PSMD11: variants seen among roughly 807,000 people sequenced by gnomAD.
The protein encoded by PSMD11 is 26S proteasome non-ATPase regulatory subunit 11.
PSMD11 carries 5 observed loss-of-function variants against 62.3 expected under a neutral mutation model. The ratio of observed to expected loss-of-function variants is 0.08; its 90% CI spans 0.04 to 0.17. PSMD11 has a LOEUF of 0.17. Among genes scored for constraint, PSMD11 ranks in the 10% least tolerant of loss-of-function variants. The pLI is 1.00. For synonymous variants in PSMD11, 191 were observed against 191.8 expected, an observed-to-expected ratio of 1.00 and a Z score of 0.03; for missense variants, 310 against 512.9, an observed-to-expected ratio of 0.60 and a Z score of 3.82.
chr17:32,466,937 G>A (rs545833166), intron 5 of PSMD11, among the ~76,000 whole-genome samples: 1 of 151,848 alleles, frequency 6.6e-6, no homozygotes, highest in Non-Finnish European at 1.5e-5. Context: ...TTGTTTTTTT[G>A]TTTGTTTGTT....
At chr17:32,473,185 ACT>A (rs1167183917) in intron 6 of PSMD11, among the ~76,000 whole-genome samples, 1 of 150,906 alleles carries the variant, frequency 6.6e-6, no homozygotes, top group East Asian at 2.0e-4. Flanking sequence ...ACAACATCTA[ACT>A]CTGTTACTTA....
In PSMD11 at chr17:32,468,338, A is replaced by T. The variant is rs578221217; in HGVS notation, c.449-661A>T. On this transcript the variant is annotated intron_variant, in intron 5 of 13. Transcript: ENST00000261712. Reference sequence around the variant, plus strand: ...TTGAAGTACATTTTAATTTTGATGAAGTTCTGTTACCTGTTTTTTGTTGTT... The same window carrying T: ...TTGAAGTACATTTTAATTTTGATGATGTTCTGTTACCTGTTTTTTGTTGTT... Among the ~76,000 whole-genome samples, 3 of 151,934 alleles carry T rather than the reference A, an allele frequency of 2.0e-5. No homozygotes were observed. In the East Asian group the frequency reaches 5.8e-4, roughly 29 times the overall value.
At position 32,444,705 on chromosome 17, in the gene PSMD11, T is replaced by C. The variant is rs1907272136; in HGVS notation, c.91+91T>C. The C allele has an allele frequency of 3.3e-6, 5 of 1,500,466 alleles. No homozygotes were observed. In the South Asian group the frequency reaches 4.6e-5, roughly 14 times the overall value. The allele number at this position is 1,500,466 out of a possible 1,614,324, so 92.9% of individuals were successfully genotyped here. A position where few individuals can be genotyped will look rare whatever the true frequency, so the allele number is the denominator to read the frequency against. On this transcript the variant is annotated intron_variant, in intron 1 of 13. Transcript: ENST00000261712. The stretch of plus-strand genomic sequence containing the variant: ...GCGGAGAGGGGCCCGGCTAGCCGGC[T>C]CTGATGCTGCTGACTCACTGTGTGA...
chr17:32,447,253 T>G (rs904848530), intron 2 of PSMD11: 4 of 488,096 alleles, frequency 8.2e-6, no homozygotes, highest in African/African-American at 8.2e-5. Flanking sequence ...AGAGACAATC[T>G]TATTTTTGTT....
At chr17:32,479,717 C>A in intron 10 of PSMD11, 134 bp from the exon 11 acceptor site, 1 of 1,054,500 alleles carries the variant, frequency 9.5e-7, no homozygotes, top group Non-Finnish European at 1.4e-6. Context: ...GAACAAGAGA[C>A]TTAAGCACGG....
intron 5 of PSMD11, 93 bp from the exon 6 acceptor site, chr17:32,468,906 T>C: frequency 8.1e-7 from 1 of 1,229,734 alleles, no homozygotes; most frequent in Non-Finnish European, 1.1e-6. Flanking sequence ...TTTTTTTTTT[T>C]TTTTAATCCT....
intron 6 of PSMD11, among the ~76,000 whole-genome samples, chr17:32,472,383 C>T (rs1270884216): frequency 4.0e-5 from 6 of 150,194 alleles, no homozygotes; most frequent in African/African-American, 9.8e-5. Context: ...CCACCAAGGC[C>T]GGCTAATTTT....
intron 3 of PSMD11, among the ~76,000 whole-genome samples, chr17:32,458,328 G>A (rs1907710608): frequency 6.6e-6 from 1 of 152,134 alleles, no homozygotes; most frequent in Non-Finnish European, 1.5e-5. Flanking sequence ...ACCTACTGCA[G>A]TAGTCTAATC....
chr17:32,451,232 A>G (rs1407839825), intron 2 of PSMD11, among the ~76,000 whole-genome samples: 2 of 152,230 alleles, frequency 1.3e-5, no homozygotes, highest in Non-Finnish European at 2.9e-5. Flanking sequence ...AAATATTGTA[A>G]GGCTAGCAGG....
intron 6 of PSMD11, among the ~76,000 whole-genome samples, chr17:32,473,316 G>T (rs1200912414): frequency 6.7e-6 from 1 of 149,896 alleles, no homozygotes; most frequent in Non-Finnish European, 1.5e-5. Context: ...TGCCCTTGTT[G>T]CCCAGGCTGG....
At chr17:32,479,961 G>T in intron 11 of PSMD11, 75 bp downstream of exon 11, 1 of 1,543,612 alleles carries the variant, frequency 6.5e-7, no homozygotes, top group South Asian at 1.1e-5. Flanking sequence ...GCACCTGATT[G>T]GCCTCATTGG....
Position 32,464,490 on chromosome 17 carries a change from C to G in PSMD11, c.391-31C>G, listed in dbSNP as rs748940615. ...ATTTCTTTCTGTGGCTTTTTCCCCC[C>G]CCTTCAATCAATGCCTTTTCTCTTT... On this transcript the variant is annotated intron_variant, in intron 4 of 13. Coordinates refer to ENST00000261712, the MANE Select transcript of PSMD11 (RefSeq NM_002815.4). 3.3e-6 allele frequency: 5 copies of G among 1,534,038 alleles called. No individual in the cohort carries two copies. In the East Asian group the frequency reaches 6.8e-5, roughly 21 times the overall value.
At chr17:32,465,086 T>C (rs573185578) in intron 5 of PSMD11, among the ~76,000 whole-genome samples, 1 of 148,418 alleles carries the variant, frequency 6.7e-6, no homozygotes, top group Non-Finnish European at 1.5e-5. Flanking sequence ...CTTCTCTGCT[T>C]TTTTTTTTTA....
Position 32,465,402 on chromosome 17 carries a change from C to T in PSMD11, c.448+824C>T, listed in dbSNP as rs140915766. On this transcript the variant is annotated intron_variant, in intron 5 of 13. Coordinates refer to ENST00000261712, the MANE Select transcript of PSMD11 (RefSeq NM_002815.4). Reference sequence around the variant, plus strand: ...TGCTAGGATTACAGGCATGAGCCACCGTGTCCGGCCACTGCTTGCTTTTTA... The same window carrying T: ...TGCTAGGATTACAGGCATGAGCCACTGTGTCCGGCCACTGCTTGCTTTTTA... Among the ~76,000 whole-genome samples, 1,307 of 152,070 alleles carry T rather than the reference C, an allele frequency of 8.6e-3. 8 individuals carry two copies. Among genetic ancestry groups the T allele is most frequent in the Non-Finnish European group, 0.01 (713 of 68,008 alleles).
At chr17:32,456,321 C>T (rs897032001) in intron 3 of PSMD11, among the ~76,000 whole-genome samples, 1 of 152,070 alleles carries the variant, frequency 6.6e-6, no homozygotes, top group Non-Finnish European at 1.5e-5. Flanking sequence ...ACTGAAGTTT[C>T]TGAAATTATC....
chr17:32,452,624 CAG>C (rs1362200454), intron 2 of PSMD11, among the ~76,000 whole-genome samples: 1 of 152,132 alleles, frequency 6.6e-6, no homozygotes, highest in African/African-American at 2.4e-5. Context: ...TTTTTCAAAA[CAG>C]AGGAAGTTGG....
intron 6 of PSMD11, among the ~76,000 whole-genome samples, chr17:32,471,867 T>G (rs769845147): frequency 1.3e-5 from 2 of 152,050 alleles, no homozygotes; most frequent in Non-Finnish European, 2.9e-5. Flanking sequence ...CTATGGTGAC[T>G]TTGGGCAGGT....
At chr17:32,475,990 G>A (rs934044121) in intron 8 of PSMD11, among the ~76,000 whole-genome samples, 13 of 152,078 alleles carry the variant, frequency 8.5e-5, no homozygotes, top group Admixed American at 8.5e-4. Flanking sequence ...GGGGCTGGAC[G>A]TGGTGGCTCA....
intron 3 of PSMD11, among the ~76,000 whole-genome samples, chr17:32,455,124 G>C (rs1907613500): frequency 6.6e-6 from 1 of 152,194 alleles, no homozygotes; most frequent in South Asian, 2.1e-4. Flanking sequence ...ATTAAAGAGT[G>C]CTTCTCAGTA....
Sources: gnomAD v4.1 joint callset for allele counts (sites outside exome capture counted in the v4.1 genomes callset) on GRCh38, gnomAD v4.1.1 for gene constraint, MANE v1.5 for transcripts, NCBI Gene and HGNC (gene_info 2026-07-23, HGNC 2026-07-21) for gene names.